ERC2: variants seen among roughly 807,000 people sequenced by gnomAD.
ERC2 encodes ELKS/RAB6-interacting/CAST family member 2.
ERC2 carries 42 observed loss-of-function variants against 114.8 expected under a neutral mutation model. The observed-to-expected ratio is 0.37, with a 90% CI of 0.29 to 0.47. The LOEUF is 0.47. Among genes scored for constraint, ERC2 ranks in the 20% least tolerant of loss-of-function variants. The probability of loss-of-function intolerance (pLI) is 0.99; values close to 1 mark genes in which losing one functional copy is unlikely to be tolerated. For synonymous variants in ERC2, 454 were observed against 425.5 expected, an observed-to-expected ratio of 1.07 and a Z score of -0.82; for missense variants, 939 against 1,150.7, an observed-to-expected ratio of 0.82 and a Z score of 2.66.
At chr3:56,249,502 A>G (rs899734149) in intron 3 of ERC2, among the ~76,000 whole-genome samples, 1 of 151,688 alleles carries the variant, frequency 6.6e-6, no homozygotes, top group African/African-American at 2.4e-5. Context: ...ATTTTTTTGT[A>G]TTTTTAGTAG....
chr3:56,381,139 T>G (rs1224159683), intron 2 of ERC2, among the ~76,000 whole-genome samples: 1 of 152,242 alleles, frequency 6.6e-6, no homozygotes, highest in Non-Finnish European at 1.5e-5. Flanking sequence ...AAATTCATTA[T>G]TCCGATATTG....
chr3:56,018,771 G>T, intron 8 of ERC2, 123 bp downstream of exon 8: 2 of 1,086,012 alleles, frequency 1.8e-6, no homozygotes, highest in Non-Finnish European at 2.6e-6. Context: ...ACAAGGACCA[G>T]CTGGGACTAA....
intron 14 of ERC2, among the ~76,000 whole-genome samples, chr3:55,788,495 A>C (rs2069696990): frequency 6.6e-6 from 1 of 152,202 alleles, no homozygotes; most frequent in African/African-American, 2.4e-5. Flanking sequence ...TGTCCTGTGA[A>C]TCTTCCCTTG....
intron 8 of ERC2, among the ~76,000 whole-genome samples, 185 bp from the exon 9 acceptor site, chr3:56,010,774 T>C (rs1343821536): frequency 3.3e-5 from 5 of 152,312 alleles, no homozygotes; most frequent in Admixed American, 6.5e-5. Flanking sequence ...GGACAACCAA[T>C]AACAGCTTTT....
chr3:55,920,295 T>C (rs988229166), intron 13 of ERC2, among the ~76,000 whole-genome samples: 3 of 152,128 alleles, frequency 2.0e-5, no homozygotes, highest in African/African-American at 7.2e-5. Context: ...TTTTCCATTA[T>C]GTTTGAAATA....
chr3:56,051,025 C>T (rs1471559789), intron 7 of ERC2, among the ~76,000 whole-genome samples: 2 of 152,166 alleles, frequency 1.3e-5, no homozygotes, highest in Non-Finnish European at 2.9e-5. Context: ...GCCCATTCCC[C>T]ACCCATTCCC....
At chr3:55,657,094 C>T (rs557770268) in intron 17 of ERC2, 1 of 152,328 alleles carries the variant, frequency 6.6e-6, no homozygotes, top group African/African-American at 2.4e-5. Flanking sequence ...CTATGACACC[C>T]ATCTCCTGGA....
intron 15 of ERC2, among the ~76,000 whole-genome samples, chr3:55,712,818 T>C (rs549938754): frequency 2.6e-5 from 4 of 152,312 alleles, no homozygotes; most frequent in African/African-American, 9.6e-5. Context: ...CATTATCTAT[T>C]TGTTGTTCTC....
At position 55,755,637 on chromosome 3, in the gene ERC2, C is replaced by G. The variant is rs545528641; in HGVS notation, c.2565-20719G>C. On this transcript the variant is annotated intron_variant, in intron 14 of 17. Coordinates refer to ENST00000288221, the MANE Select transcript of ERC2 (RefSeq NM_015576.3). The stretch of plus-strand genomic sequence containing the variant: ...TCAGGTTGTAAGTATTTGTTACTTG[C>G]AAAGCAGCCCCCTTTGAACACTGAA... Among the ~76,000 whole-genome samples, 32 of 152,270 alleles carry G rather than the reference C, an allele frequency of 2.1e-4. No individual in the cohort carries two copies. The East Asian group carries it at 4.2e-3, about 20-fold the overall frequency.
intron 3 of ERC2, among the ~76,000 whole-genome samples, chr3:56,280,805 A>G (rs2054291190): frequency 6.6e-6 from 1 of 152,224 alleles, no homozygotes; most frequent in Admixed American, 6.5e-5. Context: ...TGAGTAAGGG[A>G]AAGAACAATA....
In ERC2 at chr3:56,112,784, G is replaced by A. The variant is rs575219999; in HGVS notation, c.1473+26725C>T. On this transcript the variant is annotated intron_variant, in intron 6 of 17. Transcript: ENST00000288221. ...TAATATATGTTGAAGATTTAGTGCC[G>A]AAGAGAGGAGGAGCCAGTCTAAATT... 3.3e-4 allele frequency among the ~76,000 whole-genome samples: 50 copies of A among 152,160 alleles called. No homozygotes were observed. In the South Asian group the frequency reaches 3.3e-3, roughly 10 times the overall value.
chr3:55,755,287 T>A (rs1040473980), intron 14 of ERC2, among the ~76,000 whole-genome samples: 1 of 152,096 alleles, frequency 6.6e-6, no homozygotes, highest in Non-Finnish European at 1.5e-5. Flanking sequence ...GCATTCACGA[T>A]GAGGAATGAC....
rs144607704 is a variant in ERC2, at chr3:55,842,452, A to G, written c.2564+45937T>C. On this transcript the variant is annotated intron_variant, in intron 14 of 17. Transcript: ENST00000288221. ...TTCCAGGCTCCCAGCCCTATTTAAG[A>G]GTGGAGGGGTTCTGCTATTCAGCTG... 2.8e-3 allele frequency among the ~76,000 whole-genome samples: 429 copies of G among 152,226 alleles called. 2 individuals carry two copies. The highest frequency in any genetic ancestry group is 4.3e-3 in the Non-Finnish European group (292 of 68,016).
intron 6 of ERC2, among the ~76,000 whole-genome samples, chr3:56,094,073 A>G (rs1032481773): frequency 6.6e-6 from 1 of 152,170 alleles, no homozygotes; most frequent in South Asian, 2.1e-4. Flanking sequence ...CCCCACATCT[A>G]TTTTTTCCCA....
chr3:55,752,968 G>A (rs942724935), intron 14 of ERC2, among the ~76,000 whole-genome samples: 21 of 152,248 alleles, frequency 1.4e-4, no homozygotes, highest in East Asian at 3.9e-4. Flanking sequence ...ACTGGTGCTC[G>A]GATGTTTATT....
rs1300927751 is a variant in ERC2 at position 56,112,504 on chromosome 3, ACAAAATTTTCATTAGAGAGACCAT to A, written c.1473+26981_1473+27004del. ...ACATAGGCACACACTTATGAAAGGT[ACAAAATTTTCATTAGAGAGACCAT>A]CAATTCCTCTTCAGTCTTTAAGGAG... On this transcript the variant is annotated intron_variant, in intron 6 of 17. Transcript: ENST00000288221. Among the ~76,000 whole-genome samples the A allele has an allele frequency of 2.6e-5, 4 of 152,092 alleles. No homozygotes were observed. The South Asian group carries it at 6.2e-4, about 24-fold the overall frequency.
chr3:55,710,310 T>C (rs373063692), intron 15 of ERC2, among the ~76,000 whole-genome samples: 2 of 152,128 alleles, frequency 1.3e-5, no homozygotes, highest in African/African-American at 4.8e-5. Flanking sequence ...TACATGAACA[T>C]GAAAACTCAT....
At chr3:55,778,093 AT>A (rs1307626816) in intron 14 of ERC2, among the ~76,000 whole-genome samples, 1 of 152,234 alleles carries the variant, frequency 6.6e-6, no homozygotes, top group Admixed American at 6.5e-5. Flanking sequence ...ATTTAAAAAA[AT>A]TTTTTTCACA....
At chr3:56,412,377 G>T (rs2060974505) in intron 2 of ERC2, among the ~76,000 whole-genome samples, 1 of 152,238 alleles carries the variant, frequency 6.6e-6, no homozygotes, top group Non-Finnish European at 1.5e-5. Flanking sequence ...TTATGGCAAT[G>T]CTATGAAACT....
Sources: allele counts gnomAD v4.1 joint callset (sites outside exome capture counted in the v4.1 genomes callset), GRCh38; gene constraint gnomAD v4.1.1; transcripts MANE v1.5; gene names NCBI Gene and HGNC (gene_info 2026-07-23, HGNC 2026-07-21).